Variants in PALLD observed in about 807,000 individuals in gnomAD.
The protein encoded by PALLD is palladin.
In PALLD, 61 loss-of-function variants were observed where a neutral mutation model predicts 123.5. The ratio of observed to expected loss-of-function variants is 0.49; its 90% confidence interval spans 0.40 to 0.61. The LOEUF (loss-of-function observed/expected upper bound fraction) is 0.61, where lower values mean the gene tolerates loss of function less well. Among genes scored for constraint, PALLD ranks in the 20% least tolerant of loss-of-function variants. The probability of loss-of-function intolerance (pLI) is 0.00; values close to 1 mark genes in which losing one functional copy is unlikely to be tolerated. For synonymous variants in PALLD, 465 were observed against 496.4 expected (o/e 0.94, Z 0.84); for missense variants, 1,273 against 1,377.0 (o/e 0.92, Z 1.20).
intron 8 of PALLD, among the ~76,000 whole-genome samples, chr4:168,697,539 C>G (rs544967187): frequency 6.6e-6 from 1 of 152,316 alleles, no homozygotes; most frequent in South Asian, 2.1e-4. Context: ...AATGGCAGGG[C>G]GGTAAGCCTG....
chr4:168,601,824 A>G (rs959992511), intron 2 of PALLD, among the ~76,000 whole-genome samples: 1 of 152,162 alleles, frequency 6.6e-6, no homozygotes, highest in African/African-American at 2.4e-5. Context: ...TCGAGATCCA[A>G]AAGCACGAGT....
chr4:168,775,007 A>G (rs1443078110), intron 10 of PALLD, among the ~76,000 whole-genome samples: 2 of 152,034 alleles, frequency 1.3e-5, no homozygotes, highest in African/African-American at 4.8e-5. Flanking sequence ...ATTGCTAAAG[A>G]GTATTTTTTG....
chr4:168,681,567 A>AT, intron 4 of PALLD, among the ~76,000 whole-genome samples, 169 bp downstream of exon 4: 1 of 90,928 alleles, frequency 1.1e-5, no homozygotes, highest in Non-Finnish European at 1.9e-5. Context: ...TTTTTTTGAG[A>AT]CAGGGTCTCA....
intron 10 of PALLD, among the ~76,000 whole-genome samples, chr4:168,839,711 C>T (rs1745760024): frequency 6.6e-6 from 1 of 152,084 alleles, no homozygotes; most frequent in Admixed American, 6.5e-5. Context: ...TTTGAACATT[C>T]CAAGTGGAGA....
chr4:168,609,750 G>C (rs1561301758), intron 2 of PALLD, among the ~76,000 whole-genome samples: 1 of 152,212 alleles, frequency 6.6e-6, no homozygotes, highest in Non-Finnish European at 1.5e-5. Flanking sequence ...ATACAGCTCA[G>C]AACCTTCTGA....
intron 10 of PALLD, among the ~76,000 whole-genome samples, chr4:168,714,044 C>G (rs969541252): frequency 1.6e-4 from 24 of 146,030 alleles, no homozygotes; most frequent in African/African-American, 5.8e-4. Flanking sequence ...ATTTACCTGC[C>G]ATTTAACTAG....
Position 168,921,572 on chromosome 4 carries a change from A to G in PALLD, c.2889A>G (p.Leu963=). 6.2e-7 allele frequency: 1 copy of G among 1,609,118 alleles called. No homozygotes were observed. The highest frequency in any genetic ancestry group is 1.1e-5 in the South Asian group (1 of 90,482). Residue 963 remains leucine (L), a synonymous_variant, in exon 18 of 22, where the codon CTA becomes CTG. Transcript: ENST00000505667. The part of the protein sequence containing the change: ...GLPTPDLSWQ[L]DGKPVRPDSA... ...CAACCCCAGATCTAAGCTGGCAACT[A>G]GATGGAAAGCCCGTACGCCCTGACA...
intron 14 of PALLD, among the ~76,000 whole-genome samples, chr4:168,902,246 A>G (rs1348048270): frequency 6.6e-6 from 1 of 152,236 alleles, no homozygotes; most frequent in African/African-American, 2.4e-5. Flanking sequence ...AAGGGTCTAA[A>G]GTATATTTGT....
In PALLD at chr4:168,774,488, G is replaced by A. The variant is rs1437119645; in HGVS notation, c.1964+62565G>A. 5.3e-5 allele frequency among the ~76,000 whole-genome samples: 8 copies of A among 152,180 alleles called. No individual in the cohort carries two copies. In the East Asian group the frequency reaches 1.5e-3, roughly 29 times the overall value. On this transcript the variant is annotated intron_variant, in intron 10 of 21. Coordinates refer to ENST00000505667, the MANE Select transcript of PALLD (RefSeq NM_001166108.2). ...CATGCGTGTAATCCCAGCACTTTGG[G>A]AGGCCAAGGCAGGCGGATCACTGGA...
chr4:168,772,485 C>A (rs1734589013), intron 10 of PALLD, among the ~76,000 whole-genome samples: 1 of 152,232 alleles, frequency 6.6e-6, no homozygotes, highest in African/African-American at 2.4e-5. Flanking sequence ...ATGCCCAAAA[C>A]TTAAATGACC....
At chr4:168,634,763 G>A (rs1019244560) in intron 2 of PALLD, among the ~76,000 whole-genome samples, 1 of 152,178 alleles carries the variant, frequency 6.6e-6, no homozygotes. Context: ...GTAGCGTAAA[G>A]AAAATATATT....
intron 8 of PALLD, among the ~76,000 whole-genome samples, chr4:168,696,993 G>A (rs1783192079): frequency 6.6e-6 from 1 of 152,112 alleles, no homozygotes; most frequent in African/African-American, 2.4e-5. Flanking sequence ...AATAAACCCA[G>A]ACCCAGGCAC....
At chr4:168,836,691 A>G (rs138145892) in intron 10 of PALLD, among the ~76,000 whole-genome samples, 20 of 152,326 alleles carry the variant, frequency 1.3e-4, no homozygotes, top group African/African-American at 4.1e-4. Context: ...GTTGACGTCT[A>G]TGACATTCGG....
chr4:168,511,363 T>C, intron 1 of PALLD, 60 bp from the exon 2 acceptor site: 1 of 654,506 alleles, frequency 1.5e-6, no homozygotes. Flanking sequence ...ACTTACAAGT[T>C]TTATGATTAA....
chr4:168,706,717 CAAT>C (rs1784262848), intron 8 of PALLD, among the ~76,000 whole-genome samples: 1 of 152,060 alleles, frequency 6.6e-6, no homozygotes, highest in Admixed American at 6.5e-5. Flanking sequence ...GAGTAAAACT[CAAT>C]GATGCCTATA....
chr4:168,898,424 G>A (rs958268984), intron 13 of PALLD, 69 bp from the exon 14 acceptor site: 9 of 958,356 alleles, frequency 9.4e-6, no homozygotes, highest in Non-Finnish European at 1.5e-5. Context: ...CCTTATTGGG[G>A]GGCAGGGAGA....
chr4:168,617,186 C>A (rs1462325339), intron 2 of PALLD, among the ~76,000 whole-genome samples: 1 of 152,196 alleles, frequency 6.6e-6, no homozygotes, highest in Non-Finnish European at 1.5e-5. Context: ...AATAGCCCAA[C>A]TCTCCATTTC....
chr4:168,785,360 C>T (rs1048322639), intron 10 of PALLD, among the ~76,000 whole-genome samples: 1 of 152,062 alleles, frequency 6.6e-6, no homozygotes, highest in Non-Finnish European at 1.5e-5. Context: ...CAAGTTCACT[C>T]GGCTAGAACA....
At chr4:168,684,281 T>C (rs970467278) in intron 5 of PALLD, among the ~76,000 whole-genome samples, 2 of 152,180 alleles carry the variant, frequency 1.3e-5, no homozygotes, top group African/African-American at 4.8e-5. Context: ...GAGTGAATTT[T>C]TAAATGGATT....
Sources: gnomAD v4.1 joint callset for allele counts (sites outside exome capture counted in the v4.1 genomes callset) on GRCh38, gnomAD v4.1.1 for gene constraint, MANE v1.5 for transcripts, NCBI Gene and HGNC (gene_info 2026-07-23, HGNC 2026-07-21) for gene names.